The following GRM7 variants were observed in gnomAD, a reference collection of about 807,000 sequenced individuals.
GRM7 encodes the protein glutamate metabotropic receptor 7, also known as metabotropic glutamate receptor 7.
GRM7 carries 35 observed loss-of-function variants against 84.5 expected under a neutral mutation model. The observed-to-expected ratio is 0.41, with a 90% CI of 0.32 to 0.55. The LOEUF is 0.55. GRM7 is among the 20% of genes least tolerant of loss of function. The pLI, the probability that GRM7 is intolerant of heterozygous loss-of-function variation, is 0.19. For synonymous variants in GRM7, 487 were observed against 455.1 expected, an observed-to-expected ratio of 1.07 and a Z score of -0.89; for missense variants, 1,003 against 1,194.6, an observed-to-expected ratio of 0.84 and a Z score of 2.36.
At chr3:7,353,456 T>TAACCA (rs1302019017) in intron 4 of GRM7, among the ~76,000 whole-genome samples, 1 of 152,052 alleles carries the variant, frequency 6.6e-6, no homozygotes, top group Non-Finnish European at 1.5e-5. Flanking sequence ...TTAGTTTATT[T>TAACCA]AGTGGGTTGG....
chr3:7,065,828 A>G lies in GRM7; in HGVS notation c.520-80624A>G, dbSNP rs370759457. Among the ~76,000 whole-genome samples, 3 of 151,766 alleles carry G rather than the reference A, an allele frequency of 2.0e-5. No homozygotes were observed. In the East Asian group the frequency reaches 5.8e-4, roughly 30 times the overall value. Reference sequence around the variant, plus strand: ...TGATTCTACCCATCTATGTATCAGCACTCTCTCAGACCACAGTGGAATACA... The same window carrying G: ...TGATTCTACCCATCTATGTATCAGCGCTCTCTCAGACCACAGTGGAATACA... On this transcript the variant is annotated intron_variant, in intron 1 of 9. Coordinates refer to ENST00000357716, the MANE Select transcript of GRM7 (RefSeq NM_000844.4).
intron 4 of GRM7, among the ~76,000 whole-genome samples, chr3:7,343,903 T>C (rs1318923563): frequency 6.6e-6 from 1 of 151,548 alleles, no homozygotes; most frequent in African/African-American, 2.4e-5. Flanking sequence ...AGCAATTCCT[T>C]GCAGCAAGTA....
At chr3:7,378,782 C>T (rs565716050) in intron 4 of GRM7, among the ~76,000 whole-genome samples, 1 of 152,164 alleles carries the variant, frequency 6.6e-6, no homozygotes, top group African/African-American at 2.4e-5. Context: ...CTGCTTTCAA[C>T]ACTTATCAGG....
At chr3:7,556,935 G>A (rs1464216555) in intron 7 of GRM7, among the ~76,000 whole-genome samples, 1 of 152,192 alleles carries the variant, frequency 6.6e-6, no homozygotes, top group African/African-American at 2.4e-5. Context: ...AATGCTCATA[G>A]GATTGCAGCA....
chr3:7,363,449 A>G (rs960766553), intron 4 of GRM7, among the ~76,000 whole-genome samples: 1 of 152,140 alleles, frequency 6.6e-6, no homozygotes, highest in Non-Finnish European at 1.5e-5. Flanking sequence ...CAGTATAACG[A>G]ACACTATTTA....
chr3:6,911,144 T>A (rs1053079520), intron 1 of GRM7, among the ~76,000 whole-genome samples: 1 of 152,310 alleles, frequency 6.6e-6, no homozygotes, highest in South Asian at 2.1e-4. Context: ...TTTATTTCTC[T>A]GCTTATGAGA....
At chr3:6,979,418 C>A (rs1694114460) in intron 1 of GRM7, among the ~76,000 whole-genome samples, 1 of 152,080 alleles carries the variant, frequency 6.6e-6, no homozygotes, top group Non-Finnish European at 1.5e-5. Flanking sequence ...ACAAACATAC[C>A]CATAGACATG....
In GRM7 at chr3:7,030,359, C is replaced by T. The variant is rs182326511; in HGVS notation, c.520-116093C>T. On this transcript the variant is annotated intron_variant, in intron 1 of 9. Transcript: ENST00000357716. ...GTGGGTTGTGAGTATTCCAAAGAGC[C>T]CCTAGACACTTTTGGGGGTGGGAGA... Among the ~76,000 whole-genome samples the T allele has an allele frequency of 2.0e-5, 3 of 152,162 alleles. No individual in the cohort carries two copies. In the East Asian group the frequency reaches 5.8e-4, roughly 29 times the overall value.
At chr3:6,876,887 C>G (rs929988577) in intron 1 of GRM7, among the ~76,000 whole-genome samples, 2 of 152,088 alleles carry the variant, frequency 1.3e-5, no homozygotes, top group African/African-American at 4.8e-5. Flanking sequence ...CAGGCATGAG[C>G]CACCAACCCC....
intron 6 of GRM7, among the ~76,000 whole-genome samples, chr3:7,458,157 GAAGA>G (rs1406747578): frequency 6.6e-6 from 1 of 152,170 alleles, no homozygotes; most frequent in Non-Finnish European, 1.5e-5. Flanking sequence ...CTCTGTCCAA[GAAGA>G]AAGAAACTCA....
intron 1 of GRM7, among the ~76,000 whole-genome samples, chr3:7,030,087 T>C (rs1353710547): frequency 6.6e-6 from 1 of 152,092 alleles, no homozygotes; most frequent in Non-Finnish European, 1.5e-5. Flanking sequence ...GATATGTCCA[T>C]AGATAAAATA....
At chr3:7,476,858 A>C (rs1430895365) in intron 7 of GRM7, among the ~76,000 whole-genome samples, 1 of 152,192 alleles carries the variant, frequency 6.6e-6, no homozygotes, top group African/African-American at 2.4e-5. Context: ...TCTTGTACAC[A>C]CCATCTGAAA....
intron 8 of GRM7, among the ~76,000 whole-genome samples, chr3:7,644,878 A>G (rs1029498496): frequency 1.4e-4 from 22 of 152,288 alleles, no homozygotes; most frequent in African/African-American, 5.3e-4. Flanking sequence ...GGTCAGGACC[A>G]GAGCATAGAG....
chr3:7,594,185 C>T (rs1017490851), intron 8 of GRM7, among the ~76,000 whole-genome samples: 6 of 152,100 alleles, frequency 3.9e-5, no homozygotes, highest in Admixed American at 2.6e-4. Flanking sequence ...TGAGATAGTT[C>T]CCAGATAGCA....
chr3:7,029,129 C>A (rs894491644), intron 1 of GRM7, among the ~76,000 whole-genome samples: 2 of 151,956 alleles, frequency 1.3e-5, no homozygotes, highest in Non-Finnish European at 2.9e-5. Context: ...CATGGTGAAA[C>A]CCTGTCTCAA....
At chr3:7,356,147 TG>T (rs750163675) in intron 4 of GRM7, among the ~76,000 whole-genome samples, 2 of 152,096 alleles carry the variant, frequency 1.3e-5, no homozygotes, top group Non-Finnish European at 2.9e-5. Flanking sequence ...TTTAGCTGGA[TG>T]GTCAGGGACT....
chr3:6,949,189 G>C (rs1692590764), intron 1 of GRM7, among the ~76,000 whole-genome samples: 1 of 152,198 alleles, frequency 6.6e-6, no homozygotes. Flanking sequence ...TGCAGTGGCT[G>C]GTACCGGTTG....
chr3:7,101,732 C>T (rs1699114604), intron 1 of GRM7, among the ~76,000 whole-genome samples: 1 of 148,816 alleles, frequency 6.7e-6, no homozygotes, highest in Non-Finnish European at 1.5e-5. Flanking sequence ...TATATATCTA[C>T]AGAGAGAGCT....
At chr3:7,635,415 T>C (rs2125100114) in intron 8 of GRM7, among the ~76,000 whole-genome samples, 1 of 152,340 alleles carries the variant, frequency 6.6e-6, no homozygotes, top group Non-Finnish European at 1.5e-5. Context: ...CTTTGAAGCA[T>C]GGAGTTGTCA....
Sources: gnomAD v4.1 joint callset for allele counts (sites outside exome capture counted in the v4.1 genomes callset) on GRCh38, gnomAD v4.1.1 for gene constraint, MANE v1.5 for transcripts, NCBI Gene and HGNC (gene_info 2026-07-23, HGNC 2026-07-21) for gene names.